Variants in ARHGAP42 observed in about 807,000 individuals in gnomAD.
The protein encoded by ARHGAP42 is Rho GTPase activating protein 42.
ARHGAP42 carries 63 observed loss-of-function variants against 125.0 expected under a neutral mutation model. The ratio of observed to expected loss-of-function variants is 0.50; its 90% CI spans 0.41 to 0.62. The LOEUF (loss-of-function observed/expected upper bound fraction) is 0.62. Ranked by LOEUF, ARHGAP42 falls within the 20% of genes least tolerant of loss-of-function variation. The probability of loss-of-function intolerance (pLI) is 0.00; values close to 1 mark genes in which losing one functional copy is unlikely to be tolerated. For synonymous variants in ARHGAP42, 339 were observed against 351.0 expected (o/e 0.97, Z 0.38); for missense variants, 766 against 1,024.2 (o/e 0.75, Z 3.44).
intron 4 of ARHGAP42, among the ~76,000 whole-genome samples, chr11:100,875,103 CTCTCTGTGTGTGTG>C (rs1347368605): frequency 1.1e-3 from 58 of 52,934 alleles, no homozygotes; most frequent in Middle Eastern, 0.011. Flanking sequence ...CTCTCTCTCT[CTCTCTGTGTGTGTG>C]TGTGTGTGTG....
intron 4 of ARHGAP42, among the ~76,000 whole-genome samples, chr11:100,906,161 A>G (rs915321334): frequency 3.3e-5 from 5 of 152,138 alleles, no homozygotes; most frequent in Non-Finnish European, 7.3e-5. Flanking sequence ...GTTTTTTCAG[A>G]TCTTTTGCCT....
At chr11:100,852,069 A>G (rs952447705) in intron 3 of ARHGAP42, among the ~76,000 whole-genome samples, 1 of 152,136 alleles carries the variant, frequency 6.6e-6, no homozygotes, top group East Asian at 1.9e-4. Flanking sequence ...TGTATTAGTT[A>G]GATCATTCTC....
intron 10 of ARHGAP42, 66 bp downstream of exon 10, chr11:100,943,934 TATAAAC>T: frequency 9.4e-7 from 1 of 1,065,950 alleles, no homozygotes. Context: ...TGTATTTAAA[TATAAAC>T]ATGAAACAGC....
intron 1 of ARHGAP42, among the ~76,000 whole-genome samples, chr11:100,765,090 A>C (rs1043372247): frequency 6.6e-6 from 1 of 152,192 alleles, no homozygotes; most frequent in South Asian, 2.1e-4. Flanking sequence ...AACAATAAAA[A>C]CATAGATACA....
chr11:100,941,579 T>A (rs1438658042), intron 8 of ARHGAP42, among the ~76,000 whole-genome samples: 1 of 137,706 alleles, frequency 7.3e-6, no homozygotes, highest in Admixed American at 7.7e-5. Context: ...GTGTCAGAGC[T>A]GCAAGCAGAG....
intron 3 of ARHGAP42, among the ~76,000 whole-genome samples, chr11:100,823,669 A>T (rs1864450920): frequency 6.6e-6 from 1 of 152,216 alleles, no homozygotes; most frequent in Admixed American, 6.5e-5. Context: ...GAACTAAGCA[A>T]CAACCAGCAA....
intron 4 of ARHGAP42, among the ~76,000 whole-genome samples, chr11:100,889,497 A>T (rs778800859): frequency 6.6e-6 from 1 of 151,932 alleles, no homozygotes; most frequent in Non-Finnish European, 1.5e-5. Flanking sequence ...TGGACTTCTC[A>T]CTTCCCAGAA....
chr11:100,979,119 ACT>A (rs1858466383), intron 22 of ARHGAP42, 70 bp downstream of exon 22: 1 of 1,414,362 alleles, frequency 7.1e-7, no homozygotes, highest in Middle Eastern at 1.8e-4. Flanking sequence ...TTGACATGAC[ACT>A]CTCTGTGACA....
chr11:100,745,034 G>A (rs1862269749), intron 1 of ARHGAP42, among the ~76,000 whole-genome samples: 1 of 152,094 alleles, frequency 6.6e-6, no homozygotes, highest in African/African-American at 2.4e-5. Context: ...AGAGAGTGAT[G>A]GGATGAGTGG....
intron 6 of ARHGAP42, among the ~76,000 whole-genome samples, chr11:100,924,812 G>A (rs1271419934): frequency 6.6e-6 from 1 of 151,916 alleles, no homozygotes; most frequent in Non-Finnish European, 1.5e-5. Flanking sequence ...AAGCATACCT[G>A]AAATCAATTT....
At chr11:100,882,860 A>G (rs889524705) in intron 4 of ARHGAP42, among the ~76,000 whole-genome samples, 1 of 152,082 alleles carries the variant, frequency 6.6e-6, no homozygotes, top group African/African-American at 2.4e-5. Context: ...GAATTTATCC[A>G]TCTCCTCTAG....
chr11:100,812,612 A>G (rs979046326), intron 3 of ARHGAP42, among the ~76,000 whole-genome samples: 12 of 152,212 alleles, frequency 7.9e-5, no homozygotes, highest in African/African-American at 2.7e-4. Context: ...CAGAGACCTG[A>G]CAAAGAAAGA....
intron 6 of ARHGAP42, among the ~76,000 whole-genome samples, chr11:100,924,603 G>A (rs1209554530): frequency 6.6e-6 from 1 of 151,898 alleles, no homozygotes; most frequent in African/African-American, 2.4e-5. Context: ...GGAGATGGAG[G>A]TTGCAGTGAT....
chr11:100,712,606 CCTT>C (rs1454555985), intron 1 of ARHGAP42, among the ~76,000 whole-genome samples: 3 of 152,046 alleles, frequency 2.0e-5, no homozygotes, highest in Non-Finnish European at 4.4e-5. Flanking sequence ...TCCTGGTTGT[CCTT>C]CTATCTGAGC....
chr11:100,746,193 C>T (rs1202937020), intron 1 of ARHGAP42, among the ~76,000 whole-genome samples: 1 of 152,216 alleles, frequency 6.6e-6, no homozygotes, highest in East Asian at 1.9e-4. Flanking sequence ...CTTGCAAATT[C>T]TTAAGCTCAT....
chr11:100,878,299 C>T (rs1795577383), intron 4 of ARHGAP42, among the ~76,000 whole-genome samples: 1 of 151,662 alleles, frequency 6.6e-6, no homozygotes, highest in South Asian at 2.1e-4. Flanking sequence ...CGGCCTATTC[C>T]TTCTATTTCT....
chr11:100,836,449 T>C (rs1864787819), intron 3 of ARHGAP42, among the ~76,000 whole-genome samples: 1 of 152,116 alleles, frequency 6.6e-6, no homozygotes, highest in Non-Finnish European at 1.5e-5. Context: ...AAATTGACCA[T>C]GCAATATTTA....
intron 4 of ARHGAP42, among the ~76,000 whole-genome samples, chr11:100,909,256 G>A (rs1211264369): frequency 6.6e-6 from 1 of 150,884 alleles, no homozygotes; most frequent in African/African-American, 2.4e-5. Context: ...TTTTTTGTTT[G>A]TGTTGCATTT....
intron 3 of ARHGAP42, among the ~76,000 whole-genome samples, chr11:100,838,954 T>C (rs560666774): frequency 1.3e-5 from 2 of 152,260 alleles, no homozygotes; most frequent in Admixed American, 1.3e-4. Context: ...TCTCTTAGTT[T>C]TCCTAGTGTC....
Sources: gnomAD v4.1 joint callset for allele counts (sites outside exome capture counted in the v4.1 genomes callset) on GRCh38, gnomAD v4.1.1 for gene constraint, MANE v1.5 for transcripts, NCBI Gene and HGNC (gene_info 2026-07-23, HGNC 2026-07-21) for gene names.